OFD1: variants seen among roughly 807,000 people sequenced by gnomAD.
OFD1 encodes OFD1 centriole and centriolar satellite protein, also known as centriole and centriolar satellite protein OFD1.
A neutral mutation model predicts 81.4 loss-of-function variants in OFD1; 12 were observed. The observed-to-expected ratio is 0.15, with a 90% CI of 0.09 to 0.24. OFD1 has a LOEUF of 0.24. Ranked by LOEUF, OFD1 falls within the 10% of genes least tolerant of loss-of-function variation. OFD1 has a pLI of 1.00. For missense variants in OFD1, 685 were observed against 733.9 expected (o/e 0.93, Z 0.77); for synonymous variants, 256 against 263.7 (o/e 0.97, Z 0.28).
At chrX:13,764,280 C>T (rs1602925048) in intron 19 of OFD1, among the ~76,000 whole-genome samples, 1 of 112,338 alleles carries the variant, frequency 8.9e-6, no homozygotes, top group Non-Finnish European at 1.9e-5. Context: ...ATGATTGTAA[C>T]ATTTAAATAT....
At chrX:13,729,922 C>G (rs1023915284), upstream of OFD1, among the ~76,000 whole-genome samples, 2 of 110,420 alleles carry the variant, frequency 1.8e-5, no homozygotes, top group Non-Finnish European at 3.8e-5. Context: ...AAACAAAAAA[C>G]AAACAAAAAA....
At chrX:13,768,286 A>T (rs1472628828) in intron 21 of OFD1, 62 bp downstream of exon 21, 1 of 870,315 alleles carries the variant, frequency 1.1e-6, no homozygotes. Flanking sequence ...CCGTGGCTTA[A>T]CTTCTTGGGA....
Position 13,751,277 on chromosome X carries a change from A to G in OFD1, c.964A>G (p.Lys322Glu), listed in dbSNP as rs752818939. 3.3e-6 allele frequency: 4 copies of G among 1,208,173 alleles called. No individual in the cohort carries two copies. The highest frequency in any genetic ancestry group is 2.4e-4 in the Middle Eastern group (1 of 4,168). Reference sequence around the variant, plus strand: ...CCAGAAGCTCCAGGAAGAAAAACATAAAAGCATAACTGAGGCACTTAGGAG... The same window carrying G: ...CCAGAAGCTCCAGGAAGAAAAACATGAAAGCATAACTGAGGCACTTAGGAG... ...LNQKLQEEKHKSITEALRRQE... is the reference protein window; with the variant it reads ...LNQKLQEEKHESITEALRRQE... The change falls in exon 10 of 23, where the codon AAA becomes GAA. Residue 322 changes from lysine (K) to glutamate (E), a missense_variant. By Grantham distance (56) the Lys-to-Glu change is moderately conservative. Transcript: ENST00000340096.
chrX:13,757,530 T>C, intron 13 of OFD1, 130 bp from the exon 14 acceptor site: 1 of 675,537 alleles, frequency 1.5e-6, no homozygotes, highest in Non-Finnish European at 2.2e-6. Context: ...AATAGAATTA[T>C]TATCATATTT....
At position 13,734,903 on chromosome X, in the gene OFD1, T is replaced by C. The variant is rs1602758284; in HGVS notation, c.-169T>C. On this transcript the variant is annotated 5_prime_UTR_variant, in exon 1 of 23. Coordinates refer to ENST00000340096, the MANE Select transcript of OFD1 (RefSeq NM_003611.3). ...GTTTGCTAGAAAACCTAGTTGGGAGTGCGAGGCAGAGAACGTTCAGCACCT... is the reference window on the plus strand; with the variant it reads ...GTTTGCTAGAAAACCTAGTTGGGAGCGCGAGGCAGAGAACGTTCAGCACCT... The C allele has an allele frequency of 9.2e-7, 1 of 1,088,682 alleles. No homozygotes were observed. Among genetic ancestry groups the C allele is most frequent in the Admixed American group, 3.8e-5 (1 of 26,601 alleles). The allele number at this position is 1,088,682 out of a possible 1,213,427, so 89.7% of individuals were successfully genotyped here.
chrX:13,760,418 A>G lies in OFD1; in HGVS notation c.1958A>G (p.His653Arg). ...TTGGAAAAGGCTTTCAGAAGTTACC[A>G]TCGGAGAGTCATTAAAAACTCTGCC... The part of the protein sequence containing the change: ...ERLEKAFRSY[H>R]RRVIKNSAKS... The change falls in exon 16 of 23, where the codon CAT becomes CGT. Residue 653 changes from histidine to arginine, a missense_variant. This residue lies in a region of OFD1 where 12 missense variants were observed against 32.4 expected (regional missense o/e 0.37). Transcript: ENST00000340096. The G allele has an allele frequency of 4.2e-6, 5 of 1,197,021 alleles. No individual in the cohort carries two copies. Among genetic ancestry groups the G allele is most frequent in the Non-Finnish European group, 5.6e-6 (5 of 888,381 alleles).
chrX:13,736,984 T>C (rs959637399), intron 3 of OFD1, among the ~76,000 whole-genome samples: 1 of 112,470 alleles, frequency 8.9e-6, no homozygotes, highest in Non-Finnish European at 1.9e-5. Context: ...GCCAATCTGC[T>C]GAATGTCTGC....
the OFD1 span, among the ~76,000 whole-genome samples, chrX:13,728,597 A>G: frequency 1.8e-5 from 2 of 112,241 alleles, no homozygotes; most frequent in Non-Finnish European, 3.8e-5. Flanking sequence ...GATAGAACAT[A>G]TCTCAAAATA....
chrX:13,763,757 T>C lies in OFD1; in HGVS notation c.2501T>C (p.Met834Thr). 1 of 1,210,199 alleles carries C rather than the reference T, an allele frequency of 8.3e-7. No individual in the cohort carries two copies. The highest frequency in any genetic ancestry group is 1.1e-6 in the Non-Finnish European group (1 of 894,153). The change falls in exon 19 of 23, where the codon ATG becomes ACG. Residue 834 changes from methionine (M) to threonine (T), a missense_variant. Physicochemically the swap from Met to Thr is moderately conservative, Grantham distance 81. Coordinates refer to ENST00000340096, the MANE Select transcript of OFD1 (RefSeq NM_003611.3). ...FESSFESAGN[M>T]PRQLEMGGLS... ...GTGCCTCATGCAGCTGCAGGGAACA[T>C]GCCAAGGCAGTTGGAAATGGGCGGG...
At chrX:13,715,871 A>C in the OFD1 span, 3 of 1,028,330 alleles carry the variant, frequency 2.9e-6, no homozygotes, top group Non-Finnish European at 3.8e-6. Flanking sequence ...GAGTTGCCAG[A>C]GATAGTTCTG....
chrX:13,766,264 CAG>C (rs2147077817), intron 19 of OFD1, among the ~76,000 whole-genome samples: 1 of 111,930 alleles, frequency 8.9e-6, no homozygotes, highest in South Asian at 3.7e-4. Context: ...TGTTGGAAGG[CAG>C]AGACTGGCTT....
chrX:13,742,988 G>C (rs931298581), intron 5 of OFD1, among the ~76,000 whole-genome samples: 1 of 111,983 alleles, frequency 8.9e-6, no homozygotes. Flanking sequence ...GGGGGTGGGG[G>C]AAAAGGTGCT....
chrX:13,748,694 G>C (rs2047386808), intron 8 of OFD1, among the ~76,000 whole-genome samples: 1 of 111,930 alleles, frequency 8.9e-6, no homozygotes, highest in Non-Finnish European at 1.9e-5. Context: ...CTAACTCTGA[G>C]TCAGAATGAC....
At chrX:13,722,790 G>A in the OFD1 span, among the ~76,000 whole-genome samples, 32 of 111,773 alleles carry the variant, frequency 2.9e-4, no homozygotes, top group South Asian at 7.4e-4. Context: ...TAGGCCAGGC[G>A]CGGTGGCTCA....
At chrX:13,715,548 A>G in the OFD1 span, 1 of 115,389 alleles carries the variant, frequency 8.7e-6, no homozygotes, top group African/African-American at 3.2e-5. Flanking sequence ...AAAATCAAGA[A>G]ATGCAAGTGG....
chrX:13,724,146 C>G, the OFD1 span, among the ~76,000 whole-genome samples: 1 of 111,123 alleles, frequency 9.0e-6, no homozygotes, highest in Non-Finnish European at 1.9e-5. Flanking sequence ...AGAGCCAGAA[C>G]TCTCACTTGT....
intron 5 of OFD1, among the ~76,000 whole-genome samples, chrX:13,741,558 A>T (rs924366424): frequency 2.7e-5 from 3 of 111,394 alleles, no homozygotes; most frequent in African/African-American, 6.5e-5. Flanking sequence ...CCTTTCAGAG[A>T]TAATGATATC....
rs900081319 is a variant in OFD1, at chrX:13,734,778, C to T, written c.-294C>T. 60 of 1,063,572 alleles carry T rather than the reference C, an allele frequency of 5.6e-5. No individual in the cohort carries two copies. Among genetic ancestry groups the T allele is most frequent in the African/African-American group, 1.3e-4 (7 of 52,841 alleles). The allele number at this position is 1,063,572 out of a possible 1,213,427, so 87.7% of individuals were successfully genotyped here. On this transcript the variant is annotated 5_prime_UTR_variant, in exon 1 of 23. Transcript: ENST00000340096. ...CTGTGAGGCGGTCCTGCCTCGCTGCCTTCAGTCCCTAGTGTCTGGGTCCCC... is the reference window on the plus strand; with the variant it reads ...CTGTGAGGCGGTCCTGCCTCGCTGCTTTCAGTCCCTAGTGTCTGGGTCCCC...
intron 7 of OFD1, 96 bp from the exon 8 acceptor site, chrX:13,746,682 CAG>C: frequency 1.4e-6 from 1 of 705,461 alleles, no homozygotes; most frequent in Admixed American, 3.3e-5. Context: ...TATATTTGGA[CAG>C]AGCATTAATG....
Sources: allele counts gnomAD v4.1 joint callset (sites outside exome capture counted in the v4.1 genomes callset), GRCh38; gene constraint gnomAD v4.1.1; regional missense constraint gnomAD v4.1.1; transcripts MANE v1.5; gene names NCBI Gene and HGNC (gene_info 2026-07-23, HGNC 2026-07-21).